SORT1: variants seen among roughly 807,000 people sequenced by gnomAD.
The protein encoded by SORT1 is sortilin.
A neutral mutation model predicts 101.7 loss-of-function variants in SORT1; 39 were observed. That is an observed-to-expected ratio of 0.38 (90% CI 0.30 to 0.50). SORT1 has a LOEUF of 0.50. SORT1 is among the 20% of genes least tolerant of loss of function. The pLI, the probability that SORT1 is intolerant of heterozygous loss-of-function variation, is 0.90. For synonymous variants in SORT1, 396 were observed against 393.7 expected, an observed-to-expected ratio of 1.01 and a Z score of -0.07; for missense variants, 878 against 1,040.4, an observed-to-expected ratio of 0.84 and a Z score of 2.15.
chr1:109,330,720 T>A (rs560651165), intron 11 of SORT1, among the ~76,000 whole-genome samples: 4 of 151,340 alleles, frequency 2.6e-5, no homozygotes, highest in Non-Finnish European at 5.9e-5. Context: ...AGTGACAAAC[T>A]TTTAATTAGA....
At chr1:109,364,171 A>C (rs888115141) in intron 3 of SORT1, among the ~76,000 whole-genome samples, 1 of 152,222 alleles carries the variant, frequency 6.6e-6, no homozygotes, top group African/African-American at 2.4e-5. Flanking sequence ...ATTGCACTCT[A>C]GTAAAGTATG....
At chr1:109,320,017 T>C (rs1435066525) in intron 15 of SORT1, among the ~76,000 whole-genome samples, 3 of 152,198 alleles carry the variant, frequency 2.0e-5, no homozygotes, top group East Asian at 1.9e-4. Flanking sequence ...CCTGCCAACC[T>C]TGGCATTGGT....
chr1:109,314,504 T>C lies in SORT1; in HGVS notation c.2358-120A>G, dbSNP rs72646590. 526 of 1,291,322 alleles carry C rather than the reference T, an allele frequency of 4.1e-4. 2 individuals carry two copies. The African/African-American group carries it at 7.0e-3, about 17-fold the overall frequency. 80.0% of individuals were successfully genotyped at this position (1,291,322 alleles called of 1,614,324 possible). On this transcript the variant is annotated intron_variant, in intron 18 of 19. Coordinates refer to ENST00000256637, the MANE Select transcript of SORT1 (RefSeq NM_002959.7). ...CGCATCACAGACACAGAAAGCACAG[T>C]CCATGGTTGACATATGAAAAATGTA... is the stretch of plus-strand genomic sequence containing the variant.
intron 16 of SORT1, among the ~76,000 whole-genome samples, chr1:109,317,396 A>G (rs1276237519): frequency 6.6e-6 from 1 of 152,238 alleles, no homozygotes; most frequent in African/African-American, 2.4e-5. Flanking sequence ...ATGTGTGGCT[A>G]GTGACTATCA....
At chr1:109,361,787 T>C (rs535946316) in intron 3 of SORT1, among the ~76,000 whole-genome samples, 1 of 152,324 alleles carries the variant, frequency 6.6e-6, no homozygotes, top group South Asian at 2.1e-4. Flanking sequence ...TCAGTACTCA[T>C]GGTCCCTTGC....
intron 3 of SORT1, among the ~76,000 whole-genome samples, chr1:109,364,550 G>A (rs1464746870): frequency 1.3e-5 from 2 of 152,150 alleles, no homozygotes; most frequent in Admixed American, 1.3e-4. Flanking sequence ...AGTAAATTAT[G>A]TCAATCTAAA....
intron 11 of SORT1, among the ~76,000 whole-genome samples, chr1:109,328,274 A>G (rs58322352): frequency 0.018 from 2,720 of 152,300 alleles, 90 homozygotes; most frequent in African/African-American, 0.062. Context: ...GAATTGCTGG[A>G]TATGATAATC....
intron 1 of SORT1, chr1:109,397,341 C>T (rs186120831): frequency 6.4e-6 from 1 of 155,230 alleles, no homozygotes; most frequent in African/African-American, 2.5e-5. Flanking sequence ...ATTTTGACAA[C>T]TTAAAAAAAA....
chr1:109,324,917 C>T lies in SORT1; in HGVS notation c.1816G>A (p.Asp606Asn), dbSNP rs775571227. ...CACTCACAGTTCCTTTCAAGGATAT[C>T]TTTAAAATCAATGGTGTAGGAGACC... ...QWVSYTIDFK[D>N]ILERNCEEKD... Residue 606 changes from aspartate to asparagine, a missense_variant, in exon 14 of 20, where the codon GAT (aspartate) becomes AAT (asparagine). Around this residue, in one of 2 missense-constraint regions of SORT1, gnomAD observed 684 missense variants for 894.5 expected, o/e 0.76. Coordinates refer to ENST00000256637, the MANE Select transcript of SORT1 (RefSeq NM_002959.7). The T allele has an allele frequency of 2.1e-5, 33 of 1,607,900 alleles. No homozygotes were observed. The South Asian group carries it at 3.2e-4, about 16-fold the overall frequency.
At chr1:109,341,904 G>C (rs188459320) in intron 9 of SORT1, 110 bp downstream of exon 9, 1 of 1,012,922 alleles carries the variant, frequency 9.9e-7, no homozygotes, top group South Asian at 1.3e-5. Flanking sequence ...AAATCAGTAG[G>C]GCACTAATAA....
At chr1:109,336,679 G>C (rs1424427652) in intron 10 of SORT1, among the ~76,000 whole-genome samples, 1 of 151,872 alleles carries the variant, frequency 6.6e-6, no homozygotes, top group Non-Finnish European at 1.5e-5. Context: ...TGTGGTGGTG[G>C]GGGCCTGTAA....
intron 1 of SORT1, among the ~76,000 whole-genome samples, chr1:109,377,962 T>C (rs940924367): frequency 2.6e-5 from 4 of 152,180 alleles, no homozygotes; most frequent in African/African-American, 9.7e-5. Context: ...CTGAGTATGG[T>C]GGTTCATGCC....
At chr1:109,332,341 G>A (rs1648513656) in intron 11 of SORT1, among the ~76,000 whole-genome samples, 1 of 152,186 alleles carries the variant, frequency 6.6e-6, no homozygotes, top group Non-Finnish European at 1.5e-5. Flanking sequence ...AATCCCAGCT[G>A]AGAGGCTGAG....
At chr1:109,314,556 T>C (rs1238943226) in intron 18 of SORT1, 116 bp downstream of exon 18, 26 of 1,107,516 alleles carry the variant, frequency 2.3e-5, no homozygotes, top group Non-Finnish European at 3.4e-5. Flanking sequence ...GGGCCTGATT[T>C]TTCAGGAACA....
chr1:109,358,777 C>T (rs1011203635), intron 3 of SORT1, among the ~76,000 whole-genome samples: 3 of 151,448 alleles, frequency 2.0e-5, no homozygotes, highest in African/African-American at 7.3e-5. Context: ...TGCTTGACCC[C>T]GGGAGGCAGA....
At chr1:109,325,230 A>AATT in intron 13 of SORT1, 141 bp from the exon 14 acceptor site, 1 of 397,622 alleles carries the variant, frequency 2.5e-6, no homozygotes. Flanking sequence ...AATTATTTTA[A>AATT]CTTTTTTTTT....
intron 6 of SORT1, among the ~76,000 whole-genome samples, chr1:109,348,387 C>T (rs1467381013): frequency 1.4e-5 from 2 of 146,276 alleles, no homozygotes; most frequent in Non-Finnish European, 3.0e-5. Flanking sequence ...CATATTTAGA[C>T]ACTAAACAAA....
chr1:109,370,029 TA>T (rs1230216886), intron 1 of SORT1, among the ~76,000 whole-genome samples: 1 of 152,222 alleles, frequency 6.6e-6, no homozygotes, highest in African/African-American at 2.4e-5. Flanking sequence ...GAAAAGTTCG[TA>T]ACTGGATTCC....
rs1324739506 is a variant in SORT1, at chr1:109,326,452, TATATATATATATAC to T, written c.1643+526_1643+539del. Among the ~76,000 whole-genome samples the T allele has an allele frequency of 5.6e-3, 170 of 30,520 alleles. 2 individuals are homozygous for T. The highest frequency in any genetic ancestry group is 0.018 in the African/African-American group (166 of 9,072). 20.0% of individuals were successfully genotyped at this position (30,520 alleles called of 152,430 possible). A position where few individuals can be genotyped will look rare whatever the true frequency, so the allele number is the denominator to read the frequency against. ...GAATATATATATATATATATATATA[TATATATATATATAC>T]ATACACACACACACACACATATATA... On this transcript the variant is annotated intron_variant, in intron 13 of 19. Transcript: ENST00000256637.
Sources: allele counts gnomAD v4.1 joint callset (sites outside exome capture counted in the v4.1 genomes callset), GRCh38; gene constraint gnomAD v4.1.1; regional missense constraint gnomAD v4.1.1; transcripts MANE v1.5; gene names NCBI Gene and HGNC (gene_info 2026-07-23, HGNC 2026-07-21).